Variants in PCCA observed in about 807,000 individuals in gnomAD.
The protein encoded by PCCA is propionyl-CoA carboxylase alpha chain, mitochondrial.
A neutral mutation model predicts 101.3 loss-of-function variants in PCCA; 74 were observed. The observed-to-expected ratio is 0.73, with a 90% CI of 0.61 to 0.89. The LOEUF (loss-of-function observed/expected upper bound fraction) is 0.89. Ranked by LOEUF, PCCA falls within the 40% of genes least tolerant of loss-of-function variation. PCCA has a pLI of 0.00. For missense variants in PCCA, 891 were observed against 907.0 expected, an observed-to-expected ratio of 0.98 and a Z score of 0.23; for synonymous variants, 294 against 313.6, an observed-to-expected ratio of 0.94 and a Z score of 0.66.
intron 3 of PCCA, 25 bp from the exon 4 acceptor site, chr13:100,111,968 T>G: frequency 6.3e-7 from 1 of 1,579,642 alleles, no homozygotes; most frequent in Non-Finnish European, 8.7e-7. Flanking sequence ...TCACTATTAA[T>G]AGACATTAAT....
At chr13:100,215,282 C>T (rs1255184011) in intron 7 of PCCA, among the ~76,000 whole-genome samples, 1 of 152,194 alleles carries the variant, frequency 6.6e-6, no homozygotes, top group Non-Finnish European at 1.5e-5. Flanking sequence ...TAGATATTTA[C>T]CAAGTGCACG....
chr13:100,101,129 A>G (rs966971751), intron 1 of PCCA, among the ~76,000 whole-genome samples: 1 of 152,100 alleles, frequency 6.6e-6, no homozygotes. Context: ...TTACTGGGTA[A>G]CCGGGAGGCA....
rs143270067 is a variant in PCCA, at chr13:100,392,341, A to G, written c.1746+23767A>G. On this transcript the variant is annotated intron_variant, in intron 19 of 23. Transcript: ENST00000376285. Reference sequence around the variant, plus strand: ...AAATACAGGCAGATATGCGTTGACAATTGCCTTTCATACACCTTAACAAAC... The same window carrying G: ...AAATACAGGCAGATATGCGTTGACAGTTGCCTTTCATACACCTTAACAAAC... 3.2e-3 allele frequency among the ~76,000 whole-genome samples: 494 copies of G among 152,328 alleles called. 5 individuals are homozygous for G. Among genetic ancestry groups the G allele is most frequent in the African/African-American group, 0.011 (475 of 41,568 alleles).
intron 21 of PCCA, chr13:100,491,777 A>T: frequency 8.7e-7 from 1 of 1,155,418 alleles, no homozygotes; most frequent in South Asian, 1.7e-5. Context: ...GATTTGTAAC[A>T]CTTTTATTTT....
At chr13:100,470,322 C>A (rs911731840) in intron 21 of PCCA, among the ~76,000 whole-genome samples, 5 of 152,100 alleles carry the variant, frequency 3.3e-5, no homozygotes, top group African/African-American at 1.2e-4. Flanking sequence ...TCTTCAAAAA[C>A]TGGAAAGGAA....
intron 17 of PCCA, among the ~76,000 whole-genome samples, chr13:100,337,439 C>A (rs1465944550): frequency 6.6e-6 from 1 of 152,182 alleles, no homozygotes; most frequent in African/African-American, 2.4e-5. Flanking sequence ...TACTTAGTAT[C>A]AGGCCGCAGG....
At chr13:100,328,090 T>C (rs1418587830) in intron 16 of PCCA, among the ~76,000 whole-genome samples, 1 of 151,942 alleles carries the variant, frequency 6.6e-6, no homozygotes, top group East Asian at 1.9e-4. Flanking sequence ...GGTGGCCGGG[T>C]GCAGTGGCTC....
chr13:100,173,699 G>A (rs1423061178), intron 6 of PCCA, among the ~76,000 whole-genome samples: 1 of 151,796 alleles, frequency 6.6e-6, no homozygotes, highest in African/African-American at 2.4e-5. Flanking sequence ...AATGTGATAT[G>A]GTTTGGCTGT....
intron 4 of PCCA, among the ~76,000 whole-genome samples, chr13:100,119,483 A>C (rs940243975): frequency 6.6e-6 from 1 of 152,166 alleles, no homozygotes; most frequent in Admixed American, 6.5e-5. Flanking sequence ...TTTTATATTA[A>C]ATTTTTGGCA....
intron 9 of PCCA, among the ~76,000 whole-genome samples, chr13:100,261,754 TA>T (rs949084353): frequency 1.3e-5 from 2 of 152,360 alleles, no homozygotes; most frequent in East Asian, 1.9e-4. Flanking sequence ...ATTTTTATTT[TA>T]AAAAACTATA....
At chr13:100,388,957 G>A (rs980976364) in intron 19 of PCCA, among the ~76,000 whole-genome samples, 11 of 152,150 alleles carry the variant, frequency 7.2e-5, no homozygotes, top group Non-Finnish European at 1.2e-4. Flanking sequence ...ATAGCACCAT[G>A]CATTGATCAT....
intron 18 of PCCA, among the ~76,000 whole-genome samples, chr13:100,367,303 T>C (rs2152809974): frequency 6.6e-6 from 1 of 152,282 alleles, no homozygotes; most frequent in East Asian, 1.9e-4. Flanking sequence ...AAGACTAACA[T>C]TGTTCATAGA....
chr13:100,269,350 G>A (rs1468381277), intron 11 of PCCA, among the ~76,000 whole-genome samples: 1 of 152,206 alleles, frequency 6.6e-6, no homozygotes, highest in African/African-American at 2.4e-5. Flanking sequence ...TGTGACTTCT[G>A]CAGGCTTCTA....
chr13:100,308,057 G>A (rs2066602990), intron 15 of PCCA, among the ~76,000 whole-genome samples: 1 of 152,020 alleles, frequency 6.6e-6, no homozygotes. Flanking sequence ...GTTTCACCTT[G>A]TTAGCCAGGA....
intron 4 of PCCA, among the ~76,000 whole-genome samples, chr13:100,135,423 G>C (rs1453563590): frequency 2.6e-5 from 4 of 152,060 alleles, no homozygotes; most frequent in Admixed American, 1.3e-4. Flanking sequence ...GCCGGTGACA[G>C]AGTGAGACTC....
chr13:100,180,567 G>T (rs1296536306), intron 6 of PCCA, among the ~76,000 whole-genome samples: 1 of 152,156 alleles, frequency 6.6e-6, no homozygotes, highest in East Asian at 1.9e-4. Flanking sequence ...GTTAGAGTTA[G>T]GGGGTAGGTG....
At position 100,471,480 on chromosome 13, in the gene PCCA, A is replaced by G. The variant is rs542648848; in HGVS notation, c.1899+22175A>G. Among the ~76,000 whole-genome samples, 3 of 152,388 alleles carry G rather than the reference A, an allele frequency of 2.0e-5. No homozygotes were observed. In the South Asian group the frequency reaches 6.2e-4, roughly 32 times the overall value. ...TGGCAATAGATAAAGGGTTGCCACAAACCTTTAAATTGTAAAAAGTGCATT... is the reference window on the plus strand; with the variant it reads ...TGGCAATAGATAAAGGGTTGCCACAGACCTTTAAATTGTAAAAAGTGCATT... On this transcript the variant is annotated intron_variant, in intron 21 of 23. Coordinates refer to ENST00000376285, the MANE Select transcript of PCCA (RefSeq NM_000282.4).
chr13:100,159,308 CT>C (rs2054205310), intron 6 of PCCA, among the ~76,000 whole-genome samples: 2 of 151,910 alleles, frequency 1.3e-5, no homozygotes, highest in Admixed American at 1.3e-4. Flanking sequence ...TCAGGCTGGT[CT>C]TGAACTCCTG....
intron 21 of PCCA, among the ~76,000 whole-genome samples, chr13:100,488,273 A>C (rs1035600389): frequency 6.6e-6 from 1 of 152,170 alleles, no homozygotes; most frequent in South Asian, 2.1e-4. Context: ...TTGCATTTTT[A>C]GTAGAGACAG....
Sources: gnomAD v4.1 joint callset for allele counts (sites outside exome capture counted in the v4.1 genomes callset) on GRCh38, gnomAD v4.1.1 for gene constraint, MANE v1.5 for transcripts, NCBI Gene and HGNC (gene_info 2026-07-23, HGNC 2026-07-21) for gene names.